Variants in HERC2 observed in about 807,000 individuals in gnomAD.
HERC2 encodes the protein HECT and RLD domain containing E3 ubiquitin protein ligase 2, also known as E3 ubiquitin-protein ligase HERC2.
A neutral mutation model predicts 537.7 loss-of-function variants in HERC2; 102 were observed. The ratio of observed to expected loss-of-function variants is 0.19; its 90% CI spans 0.16 to 0.22. The LOEUF (loss-of-function observed/expected upper bound fraction) is 0.22. Ranked by LOEUF, HERC2 falls within the 10% of genes least tolerant of loss-of-function variation. The probability of loss-of-function intolerance (pLI) is 1.00; values close to 1 mark genes in which losing one functional copy is unlikely to be tolerated. For synonymous variants in HERC2, 2,224 were observed against 2,466.2 expected, an observed-to-expected ratio of 0.90 and a Z score of 2.91; for missense variants, 4,236 against 6,198.2, an observed-to-expected ratio of 0.68 and a Z score of 10.63.
At position 28,141,647 on chromosome 15, in the gene HERC2, G is replaced by C; in HGVS notation, c.11817-17C>G. ...TCTGGTCGCCTACAATACACATCAAGTGAGCATTTGCCATGGGCAAGAACA... is the reference window on the plus strand; with the variant it reads ...TCTGGTCGCCTACAATACACATCAACTGAGCATTTGCCATGGGCAAGAACA... On this transcript the variant is annotated splice_polypyrimidine_tract_variant and intron_variant, in intron 77 of 92. Coordinates refer to ENST00000261609, the MANE Select transcript of HERC2 (RefSeq NM_004667.6). 1.2e-6 allele frequency: 2 copies of C among 1,613,882 alleles called. No homozygotes were observed. The highest frequency in any genetic ancestry group is 1.7e-6 in the Non-Finnish European group (2 of 1,179,812).
At chr15:28,217,040 T>G (rs556262883) in intron 38 of HERC2, among the ~76,000 whole-genome samples, 3 of 152,134 alleles carry the variant, frequency 2.0e-5, no homozygotes, top group Admixed American at 1.3e-4. Context: ...ACATCACTCG[T>G]GCTCACACTG....
Position 28,113,719 on chromosome 15 carries a change from C to A in HERC2, c.13914-41G>T. 1 of 1,525,168 alleles carries A rather than the reference C, an allele frequency of 6.6e-7. No individual in the cohort carries two copies. The highest frequency in any genetic ancestry group is 1.4e-5 in the African/African-American group (1 of 73,322). The allele number at this position is 1,525,168 out of a possible 1,614,324, so 94.5% of individuals were successfully genotyped here. A position where few individuals can be genotyped will look rare whatever the true frequency, so the allele number is the denominator to read the frequency against. On this transcript the variant is annotated intron_variant, in intron 90 of 92. Transcript: ENST00000261609. The surrounding 1 kb of genome is among the most constrained non-coding windows in gnomAD (Gnocchi z 7.0). ...CACTTTACACTTCTGTCTTCAGTGA[C>A]ACTGACTTTATGCTGCTCACACCAA...
At chr15:28,138,202 T>C (rs1471807352) in intron 78 of HERC2, among the ~76,000 whole-genome samples, 1 of 152,174 alleles carries the variant, frequency 6.6e-6, no homozygotes, top group African/African-American at 2.4e-5. Context: ...AGTGCTGATG[T>C]AGAAGCTGCA....
chr15:28,135,636 C>G lies in HERC2; in HGVS notation c.12072G>C (p.Ser4024=). Residue 4024 remains serine, a synonymous_variant, in exon 79 of 93, where the codon TCG becomes TCC. Transcript: ENST00000261609. ...ATTCAAGCAATGTTGGGGTGGACAC[C>G]GACTCTGTCCCTCCAATGCCTAGTC... The part of the protein sequence containing the change: ...GGRLGIGGTE[S]VSTPTLLESI... 11 of 1,614,128 alleles carry G rather than the reference C, an allele frequency of 6.8e-6. No homozygotes were observed. The highest frequency in any genetic ancestry group is 9.3e-6 in the Non-Finnish European group (11 of 1,179,998).
At chr15:28,193,168 A>C (rs1897011635) in intron 52 of HERC2, among the ~76,000 whole-genome samples, 1 of 152,192 alleles carries the variant, frequency 6.6e-6, no homozygotes, top group African/African-American at 2.4e-5. Flanking sequence ...ATGACTAAAA[A>C]TTACCAGAAA....
chr15:28,260,942 G>A lies in HERC2; in HGVS notation c.2151C>T (p.Gly717=). The A allele has an allele frequency of 1.9e-6, 3 of 1,613,784 alleles. No homozygotes were observed. The African/African-American group carries it at 4.0e-5, about 21-fold the overall frequency. The stretch of plus-strand genomic sequence containing the variant: ...CAGTCAGAGCCAGGCAGTGGGTGGA[G>A]CCTGCAGCCACATCAATCACCTTCT... ...QGKKVIDVAA[G]STHCLALTED... The change falls in exon 16 of 93, where the codon GGC becomes GGT. Residue 717 remains glycine, a synonymous_variant. Coordinates refer to ENST00000261609, the MANE Select transcript of HERC2 (RefSeq NM_004667.6).
intron 81 of HERC2, 77 bp from the exon 82 acceptor site, chr15:28,130,671 C>G: frequency 1.0e-6 from 1 of 978,892 alleles, no homozygotes; most frequent in Non-Finnish European, 1.6e-6. Flanking sequence ...TGAGATTTAA[C>G]TAAATCTAGT....
intron 90 of HERC2, among the ~76,000 whole-genome samples, chr15:28,114,151 T>C (rs899153459): frequency 6.6e-6 from 1 of 152,134 alleles, no homozygotes; most frequent in Non-Finnish European, 1.5e-5. Flanking sequence ...CCAGGGGACA[T>C]GGGACAAGCA....
intron 3 of HERC2, among the ~76,000 whole-genome samples, chr15:28,297,295 T>C (rs990657245): frequency 1.3e-5 from 2 of 152,064 alleles, no homozygotes; most frequent in African/African-American, 4.8e-5. Flanking sequence ...TATTAGACTT[T>C]TGTCATCTCC....
At chr15:28,259,255 C>A (rs74738851) in intron 16 of HERC2, among the ~76,000 whole-genome samples, 1,531 of 151,992 alleles carry the variant, frequency 0.01, 30 homozygotes, top group African/African-American at 0.036. Flanking sequence ...TCACCAAGCT[C>A]GACGAAATTT....
chr15:28,230,212 G>A (rs2140603114), intron 31 of HERC2, among the ~76,000 whole-genome samples, 155 bp downstream of exon 31: 1 of 151,826 alleles, frequency 6.6e-6, no homozygotes, highest in African/African-American at 2.4e-5. Context: ...GCTCTGACCA[G>A]GACATCATAA....
intron 21 of HERC2, 127 bp downstream of exon 21, chr15:28,248,425 C>G (rs1903933717): frequency 3.3e-6 from 2 of 607,928 alleles, no homozygotes; most frequent in Middle Eastern, 4.4e-4. Flanking sequence ...CAAAATGAAG[C>G]CCCAAAATTG....
Position 28,124,217 on chromosome 15 carries a change from AT to A in HERC2, c.13007del (p.Asn4336IlefsTer11). The A allele has an allele frequency of 6.6e-7, 1 of 1,505,936 alleles. No homozygotes were observed. The highest frequency in any genetic ancestry group is 8.9e-7 in the Non-Finnish European group (1 of 1,121,820). The allele number at this position is 1,505,936 out of a possible 1,614,324, so 93.3% of individuals were successfully genotyped here. A position where few individuals can be genotyped will look rare whatever the true frequency, so the allele number is the denominator to read the frequency against. Reference protein sequence around the residue: ...KLPAQVPMEYNHLQEIPIIAL... With the variant: ...KLPAQVPMEYXHLQEIPIIAL... ...CAATGATGGGGATCTCCTGCAGGTG[AT>A]TGTACTCCATGGGGACCTAGAACAC... is the stretch of plus-strand genomic sequence containing the variant. On this transcript the variant is annotated frameshift_variant, in exon 85 of 93. Transcript: ENST00000261609. LOFTEE classifies it high-confidence loss of function.
rs376242930 is a variant in HERC2, at chr15:28,261,017, C to T, written c.2123-47G>A. 225 of 1,428,968 alleles carry T rather than the reference C, an allele frequency of 1.6e-4. No homozygotes were observed. Among genetic ancestry groups the T allele is most frequent in the Admixed American group, 1.5e-3 (81 of 53,262 alleles). 88.5% of individuals were successfully genotyped at this position (1,428,968 alleles called of 1,614,324 possible). A position where few individuals can be genotyped will look rare whatever the true frequency, so the allele number is the denominator to read the frequency against. ...GATGCAGCTTCAAGCCTATGACTTC[C>T]GCTGCAAGAAAGATATTTCCTAGGC... On this transcript the variant is annotated intron_variant, in intron 15 of 92. Transcript: ENST00000261609.
At chr15:28,307,647 G>T (rs2076827002) in intron 2 of HERC2, among the ~76,000 whole-genome samples, 1 of 152,152 alleles carries the variant, frequency 6.6e-6, no homozygotes, top group African/African-American at 2.4e-5. Context: ...TGTGTTGGTG[G>T]AGTTTCCAAA....
intron 52 of HERC2, among the ~76,000 whole-genome samples, 176 bp downstream of exon 52, chr15:28,196,039 T>A (rs1282438897): frequency 5.9e-5 from 9 of 152,188 alleles, no homozygotes; most frequent in South Asian, 4.1e-4. Flanking sequence ...CTGATTTTTT[T>A]AAAAAGCCAG....
At chr15:28,283,869 G>A (rs1377228082) in intron 4 of HERC2, among the ~76,000 whole-genome samples, 9 of 152,172 alleles carry the variant, frequency 5.9e-5, no homozygotes, top group African/African-American at 9.7e-5. Flanking sequence ...TATATACACA[G>A]GTTGAGTGTC....
intron 26 of HERC2, among the ~76,000 whole-genome samples, chr15:28,235,134 C>T (rs1365908032): frequency 6.6e-6 from 1 of 151,998 alleles, no homozygotes; most frequent in African/African-American, 2.4e-5. Context: ...AAGCGGGATG[C>T]ACTTAGTGTT....
rs1892150874 is a variant in HERC2, at chr15:28,149,388, A to G, written c.10901-3044T>C. On this transcript the variant is annotated intron_variant, in intron 70 of 92. Coordinates refer to ENST00000261609, the MANE Select transcript of HERC2 (RefSeq NM_004667.6). ...CACGCGGCTCCTAACCGAGAACGTC[A>G]CCGAGAACGGCCACACCAACATACA... 1.3e-5 allele frequency among the ~76,000 whole-genome samples: 2 copies of G among 151,786 alleles called. 1 individual carries two copies. The highest frequency in any genetic ancestry group is 4.8e-5 in the African/African-American group (2 of 41,300).
Sources: allele counts gnomAD v4.1 joint callset (sites outside exome capture counted in the v4.1 genomes callset), GRCh38; gene constraint gnomAD v4.1.1; non-coding constraint Gnocchi (gnomAD v3.1); transcripts MANE v1.5; gene names NCBI Gene and HGNC (gene_info 2026-07-23, HGNC 2026-07-21).